The following RFPL1 variants were observed in gnomAD, a reference collection of about 807,000 sequenced individuals.
RFPL1 encodes ret finger protein like 1.
In RFPL1, 6 loss-of-function variants were observed where a neutral mutation model predicts 9.6. The ratio of observed to expected loss-of-function variants is 0.62; its 90% CI spans 0.34 to 1.23. The LOEUF is 1.23. Among genes scored for constraint, RFPL1 ranks in the 50% most tolerant of loss-of-function variants. RFPL1 has a pLI of 0.03. For missense variants in RFPL1, 352 were observed against 398.4 expected, an observed-to-expected ratio of 0.88 and a Z score of 0.99; for synonymous variants, 145 against 149.4, an observed-to-expected ratio of 0.97 and a Z score of 0.22.
At chr22:29,441,483 G>A (rs1420873454) in intron 1 of RFPL1, 59 bp from the exon 2 acceptor site, 13 of 1,540,762 alleles carry the variant, frequency 8.4e-6, no homozygotes, top group Admixed American at 1.9e-5. Context: ...TTGAAGTAGA[G>A]GAGAGGCATG....
At chr22:29,412,930 T>G in the RFPL1 span, among the ~76,000 whole-genome samples, 2 of 152,196 alleles carry the variant, frequency 1.3e-5, no homozygotes, top group East Asian at 3.9e-4. Flanking sequence ...GGCCATGCTC[T>G]TCCACTGGGT....
chr22:29,437,282 A>T (rs2062813053), upstream of RFPL1: 1 of 216,050 alleles, frequency 4.6e-6, no homozygotes, highest in Non-Finnish European at 9.2e-6. Context: ...AGTCTGATGT[A>T]TATGAATTTA....
At chr22:29,437,670 G>C (rs199788483), upstream of RFPL1, 53 of 1,590,480 alleles carry the variant, frequency 3.3e-5, 1 homozygote, top group Admixed American at 5.6e-5. Flanking sequence ...TGCCCCTTCC[G>C]CACAAGACCT....
upstream of RFPL1, chr22:29,434,377 T>A (rs1338042393): frequency 6.5e-6 from 1 of 152,880 alleles, no homozygotes; most frequent in Non-Finnish European, 1.5e-5. Context: ...TAAGAAATTC[T>A]ACGGAATCAG....
chr22:29,415,109 A>T, the RFPL1 span, among the ~76,000 whole-genome samples: 6 of 152,120 alleles, frequency 3.9e-5, no homozygotes, highest in Non-Finnish European at 8.8e-5. Flanking sequence ...GCTGTGGGTG[A>T]TCAGGCCATG....
At chr22:29,439,185 G>A in intron 1 of RFPL1, 21 bp downstream of exon 1, 6 of 1,604,234 alleles carry the variant, frequency 3.7e-6, no homozygotes, top group Non-Finnish European at 5.1e-6. Context: ...TGTATACACT[G>A]CCCCCTTCCT....
At chr22:29,438,830 A>C in exon 1 of RFPL1, 1 of 1,613,854 alleles carries the variant, frequency 6.2e-7, no homozygotes, top group Non-Finnish European at 8.5e-7. Context: ...ACAGGCTTTC[A>C]CCTCACGGAA....
At chr22:29,404,799 T>A in the RFPL1 span, among the ~76,000 whole-genome samples, 1 of 152,204 alleles carries the variant, frequency 6.6e-6, no homozygotes, top group Non-Finnish European at 1.5e-5. Context: ...TGATCATAGC[T>A]CACTGCAGCC....
the RFPL1 span, among the ~76,000 whole-genome samples, chr22:29,425,103 C>T: frequency 6.7e-6 from 1 of 150,078 alleles, no homozygotes; most frequent in Non-Finnish European, 1.5e-5. Context: ...ACTCGGGAGG[C>T]TGAGGCAGGA....
the RFPL1 span, among the ~76,000 whole-genome samples, chr22:29,425,732 C>T: frequency 6.6e-5 from 10 of 151,970 alleles, no homozygotes; most frequent in Non-Finnish European, 1.2e-4. Context: ...TTTGGGAGGC[C>T]GCGGTGGGTG....
the RFPL1 span, among the ~76,000 whole-genome samples, chr22:29,397,136 C>A: frequency 5.0e-5 from 7 of 139,994 alleles, no homozygotes; most frequent in Admixed American, 5.1e-4. Context: ...GTCTCGATCT[C>A]CTGACCTCGT....
the RFPL1 span, among the ~76,000 whole-genome samples, chr22:29,410,955 C>T: frequency 2.0e-5 from 3 of 152,150 alleles, no homozygotes; most frequent in Admixed American, 2.0e-4. Flanking sequence ...GCTGTTCTTA[C>T]ATTTCATTCT....
At chr22:29,424,273 T>G in the RFPL1 span, among the ~76,000 whole-genome samples, 1 of 152,086 alleles carries the variant, frequency 6.6e-6, no homozygotes, top group Non-Finnish European at 1.5e-5. Context: ...ACCTCAATAG[T>G]TCTTCTGGGC....
At chr22:29,410,662 A>T in the RFPL1 span, among the ~76,000 whole-genome samples, 996 of 143,934 alleles carry the variant, frequency 6.9e-3, 10 homozygotes, top group African/African-American at 0.022. Context: ...CTATATATAT[A>T]TTTTTTTGAG....
the RFPL1 span, among the ~76,000 whole-genome samples, chr22:29,416,109 A>G: frequency 6.6e-6 from 1 of 152,200 alleles, no homozygotes; most frequent in Non-Finnish European, 1.5e-5. Flanking sequence ...ATGCCACTTC[A>G]TTCTTTAGGG....
chr22:29,422,749 A>G, the RFPL1 span, among the ~76,000 whole-genome samples: 5 of 152,148 alleles, frequency 3.3e-5, no homozygotes, highest in Non-Finnish European at 1.5e-5. Flanking sequence ...ATCTCAAAAA[A>G]AAGAAAAACA....
At chr22:29,403,595 C>G in the RFPL1 span, among the ~76,000 whole-genome samples, 1 of 152,084 alleles carries the variant, frequency 6.6e-6, no homozygotes, top group Admixed American at 6.5e-5. Context: ...CTGAAATAGG[C>G]TGACTTGAGA....
chr22:29,401,220 A>G, the RFPL1 span, among the ~76,000 whole-genome samples: 1 of 152,224 alleles, frequency 6.6e-6, no homozygotes, highest in African/African-American at 2.4e-5. Flanking sequence ...CTCATTCGCT[A>G]CAACCATAAA....
the RFPL1 span, among the ~76,000 whole-genome samples, chr22:29,390,740 C>T: frequency 3.3e-5 from 5 of 151,094 alleles, no homozygotes; most frequent in Admixed American, 6.6e-5. Flanking sequence ...GGACTACAGG[C>T]GCCCGCCACC....
Sources: gnomAD v4.1 joint callset for allele counts (sites outside exome capture counted in the v4.1 genomes callset) on GRCh38, gnomAD v4.1.1 for gene constraint, MANE v1.5 for transcripts, NCBI Gene and HGNC (gene_info 2026-07-23, HGNC 2026-07-21) for gene names.